Variants in QKI observed in about 807,000 individuals in gnomAD.
The protein encoded by QKI is QKI, KH domain containing RNA binding.
In QKI, 10 loss-of-function variants were observed where a neutral mutation model predicts 39.0. The observed-to-expected ratio is 0.26, with a 90% CI of 0.16 to 0.43. The LOEUF is 0.43. QKI is among the 20% of genes least tolerant of loss of function. QKI has a pLI of 1.00. For missense variants in QKI, 218 were observed against 428.0 expected, an observed-to-expected ratio of 0.51 and a Z score of 4.33; for synonymous variants, 204 against 155.4, an observed-to-expected ratio of 1.31 and a Z score of -2.33.
At chr6:163,554,901 G>C (rs1465525133) in intron 4 of QKI, among the ~76,000 whole-genome samples, 8 of 152,158 alleles carry the variant, frequency 5.3e-5, no homozygotes, top group Non-Finnish European at 8.8e-5. Context: ...CCACAAAATA[G>C]CACAGTGAGG....
intron 7 of QKI, 38 bp downstream of exon 7, chr6:163,566,833 C>T (rs373618129): frequency 1.6e-5 from 25 of 1,603,558 alleles, no homozygotes; most frequent in Middle Eastern, 1.7e-4. Flanking sequence ...ATAAGAAATG[C>T]GTTGGGTGTC....
At chr6:163,483,310 G>A (rs1438146917) in intron 3 of QKI, among the ~76,000 whole-genome samples, 1 of 152,158 alleles carries the variant, frequency 6.6e-6, no homozygotes, top group African/African-American at 2.4e-5. Context: ...ACTGATCAGG[G>A]TGGTGGTTGC....
rs1005565245 is a variant in QKI at position 163,415,128 on chromosome 6, G to C, written c.-66G>C. ...CGGCCCGCGGCCGGGGCTCGCCCCC[G>C]CCCCTCCCTCCTCTCCGGCGGCGGC... On this transcript the variant is annotated 5_prime_UTR_variant, in exon 1 of 8. Coordinates refer to ENST00000361752, the MANE Select transcript of QKI (RefSeq NM_006775.3). 1.9e-3 allele frequency: 2,380 copies of C among 1,234,976 alleles called. 33 individuals are homozygous for C. The African/African-American group carries it at 0.033, about 17-fold the overall frequency. 76.5% of individuals were successfully genotyped at this position (1,234,976 alleles called of 1,614,324 possible).
At chr6:163,444,992 T>A (rs971729759) in intron 1 of QKI, among the ~76,000 whole-genome samples, 8 of 152,090 alleles carry the variant, frequency 5.3e-5, no homozygotes, top group Non-Finnish European at 8.8e-5. Flanking sequence ...CACTGCAGCC[T>A]CTACTTCCTG....
intron 4 of QKI, among the ~76,000 whole-genome samples, chr6:163,561,615 A>C (rs1783018740): frequency 1.3e-5 from 2 of 152,210 alleles, no homozygotes; most frequent in Admixed American, 1.3e-4. Flanking sequence ...ATCTAAAAAC[A>C]ATAAAATTAA....
rs184860954 is a variant in QKI, at chr6:163,498,096, A to G, written c.402+19200A>G. 5.4e-4 allele frequency among the ~76,000 whole-genome samples: 82 copies of G among 151,920 alleles called. No individual in the cohort carries two copies. The East Asian group carries it at 0.014, about 27-fold the overall frequency. Reference sequence around the variant, plus strand: ...GAAAATAAGTTATGGAAAAATATGTAAATCAGTGGATGTTTTTGTCCTCCA... The same window carrying G: ...GAAAATAAGTTATGGAAAAATATGTGAATCAGTGGATGTTTTTGTCCTCCA... On this transcript the variant is annotated intron_variant, in intron 3 of 7. Transcript: ENST00000361752.
chr6:163,462,571 G>A (rs1334605087), intron 2 of QKI, among the ~76,000 whole-genome samples: 1 of 152,140 alleles, frequency 6.6e-6, no homozygotes, highest in Non-Finnish European at 1.5e-5. Context: ...CATATAAATA[G>A]TATAAATTTG....
chr6:163,518,996 A>G (rs1180098411), intron 3 of QKI, among the ~76,000 whole-genome samples: 1 of 152,172 alleles, frequency 6.6e-6, no homozygotes, highest in Non-Finnish European at 1.5e-5. Flanking sequence ...GAATTTATTT[A>G]TAGTCTTTTC....
At chr6:163,570,540 C>T (rs1783643594) in intron 7 of QKI, 154 bp from the exon 8 acceptor site, 14 of 979,982 alleles carry the variant, frequency 1.4e-5, no homozygotes, top group African/African-American at 1.8e-5. Context: ...TAGATGGTGT[C>T]AATCAGTTTG....
intron 3 of QKI, among the ~76,000 whole-genome samples, chr6:163,480,324 A>G (rs1265342914): frequency 6.6e-6 from 1 of 151,492 alleles, no homozygotes; most frequent in Non-Finnish European, 1.5e-5. Flanking sequence ...TGAAGGGGCT[A>G]TCTAGGAATA....
At chr6:163,535,746 C>G (rs1168963945) in intron 4 of QKI, among the ~76,000 whole-genome samples, 5 of 151,952 alleles carry the variant, frequency 3.3e-5, no homozygotes. Context: ...GCCTGGCCAA[C>G]ATGGTGAAAC....
intron 4 of QKI, among the ~76,000 whole-genome samples, chr6:163,558,546 C>T (rs535035078): frequency 7.2e-5 from 11 of 152,054 alleles, no homozygotes; most frequent in African/African-American, 2.2e-4. Context: ...ATTACAGGCA[C>T]CTGCCACCAC....
chr6:163,463,939 A>G (rs1381837910), intron 2 of QKI, among the ~76,000 whole-genome samples: 4 of 151,970 alleles, frequency 2.6e-5, no homozygotes, highest in Non-Finnish European at 5.9e-5. Flanking sequence ...TCCCTGTAAC[A>G]CTTCTTTTCT....
At chr6:163,465,939 C>T (rs1304019034) in intron 2 of QKI, among the ~76,000 whole-genome samples, 1 of 151,856 alleles carries the variant, frequency 6.6e-6, no homozygotes, top group Non-Finnish European at 1.5e-5. Context: ...GCCTGGCCAA[C>T]ATGGTGAAAC....
chr6:163,569,235 T>C (rs1218397217), intron 7 of QKI: 26 of 968,950 alleles, frequency 2.7e-5, no homozygotes, highest in Non-Finnish European at 3.2e-5. Context: ...TTGGTCACAT[T>C]GAAGATACAG....
chr6:163,559,282 T>A (rs1479262581), intron 4 of QKI, among the ~76,000 whole-genome samples: 1 of 152,256 alleles, frequency 6.6e-6, no homozygotes, highest in African/African-American at 2.4e-5. Flanking sequence ...TCTTTCTCGC[T>A]ATGGTAGATG....
intron 3 of QKI, among the ~76,000 whole-genome samples, chr6:163,492,570 C>A (rs754425818): frequency 7.2e-5 from 11 of 151,934 alleles, no homozygotes; most frequent in Non-Finnish European, 1.3e-4. Flanking sequence ...AAAAGGTCTG[C>A]AAAAACTTAA....
chr6:163,486,174 C>T (rs943291168), intron 3 of QKI, among the ~76,000 whole-genome samples: 1 of 152,178 alleles, frequency 6.6e-6, no homozygotes, highest in African/African-American at 2.4e-5. Flanking sequence ...AGTAACCCAC[C>T]CAGTTGCTCA....
At chr6:163,485,565 T>C (rs937762370) in intron 3 of QKI, among the ~76,000 whole-genome samples, 1 of 152,068 alleles carries the variant, frequency 6.6e-6, no homozygotes, top group African/African-American at 2.4e-5. Context: ...TGTCAGCTCT[T>C]CTGAGGTCTC....
Sources: allele counts gnomAD v4.1 joint callset (sites outside exome capture counted in the v4.1 genomes callset), GRCh38; gene constraint gnomAD v4.1.1; transcripts MANE v1.5; gene names NCBI Gene and HGNC (gene_info 2026-07-23, HGNC 2026-07-21).